ZNF280D: variants seen among roughly 807,000 people sequenced by gnomAD.
ZNF280D encodes the protein suppressor of hairy wing homolog 4.
Under a neutral mutation model 94.7 loss-of-function variants are expected in ZNF280D, and 39 were observed. That is an observed-to-expected ratio of 0.41 (90% CI 0.32 to 0.54). The LOEUF (loss-of-function observed/expected upper bound fraction) is 0.54, where lower values mean the gene tolerates loss of function less well. Ranked by LOEUF, ZNF280D falls within the 20% of genes least tolerant of loss-of-function variation. ZNF280D has a pLI of 0.22. For synonymous variants in ZNF280D, 398 were observed against 377.6 expected (o/e 1.05, Z -0.63); for missense variants, 1,090 against 1,149.3 (o/e 0.95, Z 0.75).
intron 1 of ZNF280D, among the ~76,000 whole-genome samples, chr15:56,726,256 TAATGTGTGTATTGGAG>T (rs2058626644): frequency 6.6e-6 from 1 of 152,068 alleles, no homozygotes; most frequent in Admixed American, 6.5e-5. Context: ...CAGGTAGGTT[TAATGTGTGTATTGGAG>T]AGGGGTGGAA....
chr15:56,636,818 C>T (rs2052378509), intron 20 of ZNF280D, among the ~76,000 whole-genome samples: 1 of 151,650 alleles, frequency 6.6e-6, no homozygotes, highest in South Asian at 2.1e-4. Flanking sequence ...TGGGGTTTCA[C>T]TATGTTTGTC....
At chr15:56,733,405 G>T in intron 1 of ZNF280D, 53 bp downstream of exon 1, 1 of 973,034 alleles carries the variant, frequency 1.0e-6, no homozygotes, top group Non-Finnish European at 1.2e-6. Context: ...GGCCGCGCGG[G>T]AGGGCCTCTG....
At chr15:56,703,403 C>G (rs1287214394) in intron 4 of ZNF280D, among the ~76,000 whole-genome samples, 1 of 152,108 alleles carries the variant, frequency 6.6e-6, no homozygotes, top group Non-Finnish European at 1.5e-5. Flanking sequence ...TTTGTAGCCA[C>G]GTATAGATGA....
intron 1 of ZNF280D, among the ~76,000 whole-genome samples, chr15:56,720,972 G>T (rs765363412): frequency 0.11 from 5,671 of 51,126 alleles, 393 homozygotes; most frequent in Admixed American, 0.28. Flanking sequence ...ATTTTTTTTG[G>T]GGGGGGGGGG....
chr15:56,634,516 A>T (rs536216598), intron 21 of ZNF280D, among the ~76,000 whole-genome samples: 1 of 152,264 alleles, frequency 6.6e-6, no homozygotes, highest in Non-Finnish European at 1.5e-5. Context: ...CCTTCATAGG[A>T]ACTTAATCCA....
At chr15:56,663,384 G>A (rs1213363660) in intron 16 of ZNF280D, among the ~76,000 whole-genome samples, 1 of 151,972 alleles carries the variant, frequency 6.6e-6, no homozygotes, top group Non-Finnish European at 1.5e-5. Context: ...GGGCAGGTAT[G>A]AGACCAAAGG....
intron 1 of ZNF280D, among the ~76,000 whole-genome samples, chr15:56,720,976 G>C (rs186359770): frequency 1.3e-4 from 9 of 71,220 alleles, no homozygotes; most frequent in African/African-American, 2.1e-4. Flanking sequence ...TTTTTGGGGG[G>C]GGGGGGGACA....
At chr15:56,701,145 A>C in intron 5 of ZNF280D, 28 bp downstream of exon 5, 1 of 1,600,878 alleles carries the variant, frequency 6.2e-7, no homozygotes, top group Non-Finnish European at 8.5e-7. Flanking sequence ...CTTCACTTTA[A>C]AATTAAAATA....
At chr15:56,647,421 T>C (rs1300795987) in intron 19 of ZNF280D, among the ~76,000 whole-genome samples, 1 of 152,170 alleles carries the variant, frequency 6.6e-6, no homozygotes, top group Admixed American at 6.5e-5. Context: ...AAATTCAGTT[T>C]TGGACATATT....
chr15:56,648,664 G>C (rs2053036307), intron 19 of ZNF280D, among the ~76,000 whole-genome samples: 1 of 152,082 alleles, frequency 6.6e-6, no homozygotes, highest in South Asian at 2.1e-4. Context: ...AAATCAGACA[G>C]TAACAGCTCA....
chr15:56,712,508 G>C (rs1266412772), intron 1 of ZNF280D, among the ~76,000 whole-genome samples: 1 of 139,630 alleles, frequency 7.2e-6, no homozygotes, highest in Non-Finnish European at 1.5e-5. Flanking sequence ...CATGCCCCTG[G>C]TCCCAGCTAT....
intron 16 of ZNF280D, 71 bp downstream of exon 16, chr15:56,666,324 C>A (rs1471049196): frequency 3.9e-6 from 6 of 1,545,404 alleles, no homozygotes; most frequent in Non-Finnish European, 5.3e-6. Context: ...AATAGGATAA[C>A]TTTGTTTTTG....
intron 1 of ZNF280D, chr15:56,724,955 C>A: frequency 4.5e-6 from 2 of 444,498 alleles, no homozygotes; most frequent in Non-Finnish European, 9.0e-6. Context: ...CAGCAGTCAG[C>A]AATCCTGTAT....
At chr15:56,678,086 C>A (rs1194649464) in intron 11 of ZNF280D, among the ~76,000 whole-genome samples, 1 of 151,526 alleles carries the variant, frequency 6.6e-6, no homozygotes, top group African/African-American at 2.4e-5. Context: ...CGGCTTACTG[C>A]AACCTCCGTT....
chr15:56,723,678 C>G (rs1361631195), intron 1 of ZNF280D, among the ~76,000 whole-genome samples: 1 of 151,950 alleles, frequency 6.6e-6, no homozygotes, highest in African/African-American at 2.4e-5. Context: ...ACCCTATAGA[C>G]TTCCTTCAAA....
At chr15:56,681,242 T>G (rs980332202) in intron 10 of ZNF280D, among the ~76,000 whole-genome samples, 1 of 152,188 alleles carries the variant, frequency 6.6e-6, no homozygotes, top group South Asian at 2.1e-4. Flanking sequence ...AAATAAATGC[T>G]GAACTCAGAA....
chr15:56,668,385 A>C (rs375881287), intron 14 of ZNF280D: 2 of 321,798 alleles, frequency 6.2e-6, no homozygotes, highest in South Asian at 4.8e-5. Flanking sequence ...TCTCAGAGTA[A>C]ACTCAGTAAT....
At chr15:56,730,578 T>C (rs1164183474) in intron 1 of ZNF280D, 1 of 152,206 alleles carries the variant, frequency 6.6e-6, no homozygotes, top group Non-Finnish European at 1.5e-5. Flanking sequence ...ACTTCAGAAC[T>C]TTTCTATTTA....
intron 16 of ZNF280D, among the ~76,000 whole-genome samples, chr15:56,664,310 A>C (rs1329348785): frequency 6.6e-6 from 1 of 152,200 alleles, no homozygotes; most frequent in Non-Finnish European, 1.5e-5. Flanking sequence ...AAGGAAGACA[A>C]GAAATAAGGA....
Sources: gnomAD v4.1 joint callset for allele counts (sites outside exome capture counted in the v4.1 genomes callset) on GRCh38, gnomAD v4.1.1 for gene constraint, MANE v1.5 for transcripts, NCBI Gene and HGNC (gene_info 2026-07-23, HGNC 2026-07-21) for gene names.